The following DOCK2 variants were observed in gnomAD, a reference collection of about 807,000 sequenced individuals.
DOCK2 encodes the protein dedicator of cytokinesis 2, also known as dedicator of cytokinesis protein 2.
DOCK2 carries 87 observed loss-of-function variants against 248.9 expected under a neutral mutation model. That is an observed-to-expected ratio of 0.35 (90% CI 0.29 to 0.42). The LOEUF (loss-of-function observed/expected upper bound fraction) is 0.42. DOCK2 is among the 10% of genes least tolerant of loss of function. DOCK2 has a pLI of 1.00. For missense variants in DOCK2, 1,747 were observed against 2,300.2 expected (o/e 0.76, Z 4.92); for synonymous variants, 805 against 821.6 (o/e 0.98, Z 0.35).
intron 25 of DOCK2, among the ~76,000 whole-genome samples, chr5:169,778,574 T>C (rs1450524609): frequency 6.6e-6 from 1 of 152,212 alleles, no homozygotes; most frequent in Non-Finnish European, 1.5e-5. Flanking sequence ...ACTTTCTCTC[T>C]CTGTAAAATG....
chr5:169,987,235 C>T (rs1488748853), intron 29 of DOCK2, among the ~76,000 whole-genome samples: 1 of 152,176 alleles, frequency 6.6e-6, no homozygotes, highest in Non-Finnish European at 1.5e-5. Context: ...GGCTTCTTTT[C>T]CTATAGGTAC....
intron 9 of DOCK2, among the ~76,000 whole-genome samples, chr5:169,694,231 A>G (rs990475531): frequency 1.3e-5 from 2 of 152,192 alleles, no homozygotes; most frequent in African/African-American, 4.8e-5. Context: ...TTCCCAGTGC[A>G]TATGCCCATA....
At chr5:169,947,987 G>A (rs997282641) in intron 27 of DOCK2, among the ~76,000 whole-genome samples, 1 of 152,172 alleles carries the variant, frequency 6.6e-6, no homozygotes, top group Admixed American at 6.5e-5. Flanking sequence ...GCAGGGTCAG[G>A]ATTTGTCATT....
At chr5:169,823,396 G>A (rs909258836) in intron 26 of DOCK2, among the ~76,000 whole-genome samples, 1 of 150,812 alleles carries the variant, frequency 6.6e-6, no homozygotes, top group Non-Finnish European at 1.5e-5. Flanking sequence ...ACTGAATCCA[G>A]CAGCACATCA....
chr5:169,897,440 C>T (rs1773676773), intron 27 of DOCK2, among the ~76,000 whole-genome samples: 1 of 152,158 alleles, frequency 6.6e-6, no homozygotes, highest in African/African-American at 2.4e-5. Flanking sequence ...CCTCCTGCCT[C>T]TTCCTCCCAA....
rs77348160 is a variant in DOCK2, at chr5:169,929,376, C to T, written c.2800-53692C>T. The stretch of plus-strand genomic sequence containing the variant: ...TTTTACACGTAGATTTTCCACAAAG[C>T]GAATCCCGGCAAACGATATACAGAA... On this transcript the variant is annotated intron_variant, in intron 27 of 51. Transcript: ENST00000520908. 3.9e-3 allele frequency among the ~76,000 whole-genome samples: 590 copies of T among 152,096 alleles called. 5 individuals carry two copies. The highest frequency in any genetic ancestry group is 6.2e-3 in the Non-Finnish European group (420 of 67,942).
intron 27 of DOCK2, chr5:169,864,311 T>C: frequency 1.3e-6 from 2 of 1,551,574 alleles, no homozygotes; most frequent in South Asian, 1.2e-5. Flanking sequence ...ACCTTCTTGG[T>C]TTTCCGCCTT....
chr5:170,009,606 C>T (rs1054282176), intron 32 of DOCK2, among the ~76,000 whole-genome samples: 7 of 152,100 alleles, frequency 4.6e-5, no homozygotes, highest in South Asian at 2.1e-4. Flanking sequence ...ATTGCTCTGC[C>T]CTGGGTGTGG....
rs147924366 is a variant in DOCK2, at chr5:169,668,601, G to A, written c.128-687G>A. Among the ~76,000 whole-genome samples, 208 of 152,266 alleles carry A rather than the reference G, an allele frequency of 1.4e-3. 1 individual carries two copies. Among genetic ancestry groups the A allele is most frequent in the Non-Finnish European group, 2.5e-3 (172 of 68,020 alleles). On this transcript the variant is annotated intron_variant, in intron 2 of 51. Transcript: ENST00000520908. ...GTTGGAATCATTTCAAAGGCCAGCC[G>A]ACTCATTACAGTCATCAGGACTTGC...
At chr5:169,663,214 C>A (rs910692569) in intron 2 of DOCK2, among the ~76,000 whole-genome samples, 1 of 152,198 alleles carries the variant, frequency 6.6e-6, no homozygotes, top group Non-Finnish European at 1.5e-5. Flanking sequence ...CTATGCAAGG[C>A]CACATTGATG....
At chr5:169,918,789 A>G (rs1277528657) in intron 27 of DOCK2, among the ~76,000 whole-genome samples, 3 of 152,092 alleles carry the variant, frequency 2.0e-5, no homozygotes, top group East Asian at 3.9e-4. Flanking sequence ...GGCAGGTACC[A>G]GTAATCCCAG....
intron 25 of DOCK2, among the ~76,000 whole-genome samples, chr5:169,797,170 G>A (rs1766704027): frequency 6.6e-6 from 1 of 152,196 alleles, no homozygotes; most frequent in Non-Finnish European, 1.5e-5. Flanking sequence ...GTGACTGGGG[G>A]TGTCCTCACT....
chr5:169,768,538 C>T (rs1764914794), intron 25 of DOCK2, among the ~76,000 whole-genome samples: 1 of 152,202 alleles, frequency 6.6e-6, no homozygotes, highest in African/African-American at 2.4e-5. Context: ...CCAGGCTATA[C>T]ATGAACTCTG....
intron 27 of DOCK2, chr5:169,934,658 G>A (rs1176000097): frequency 4.4e-6 from 2 of 456,256 alleles, no homozygotes; most frequent in East Asian, 6.9e-5. Context: ...CTAGGATGCA[G>A]CTGATGATAG....
chr5:170,040,329 C>A (rs1581548763), intron 36 of DOCK2, among the ~76,000 whole-genome samples: 1 of 152,208 alleles, frequency 6.6e-6, no homozygotes, highest in East Asian at 1.9e-4. Flanking sequence ...ATCCTCAGTA[C>A]CCTCAGTTAT....
At chr5:169,853,804 CTTTTTTTTTTTTTTTTTTTTTTT>C (rs67124138) in intron 27 of DOCK2, among the ~76,000 whole-genome samples, 73 of 56,862 alleles carry the variant, frequency 1.3e-3, no homozygotes, top group African/African-American at 2.5e-3. Flanking sequence ...GGAAAAACAA[CTTTTTTTTTTTTTTTTTTTTTTT>C]TTTTTTTTTT....
chr5:170,004,847 C>T lies in DOCK2; in HGVS notation c.3073-3650C>T, dbSNP rs572810091. Among the ~76,000 whole-genome samples the T allele has an allele frequency of 6.4e-3, 948 of 148,128 alleles. 9 individuals carry two copies. The highest frequency in any genetic ancestry group is 0.042 in the Middle Eastern group (12 of 288). On this transcript the variant is annotated intron_variant, in intron 30 of 51. Coordinates refer to ENST00000520908, the MANE Select transcript of DOCK2 (RefSeq NM_004946.3). ...AAACCAAACACCGCATATTCTCACTCATAGGTGGGAACTGAAAAATGAGAT... is the reference window on the plus strand; with the variant it reads ...AAACCAAACACCGCATATTCTCACTTATAGGTGGGAACTGAAAAATGAGAT...
At chr5:169,733,841 C>T (rs1049223145) in intron 22 of DOCK2, among the ~76,000 whole-genome samples, 2 of 152,046 alleles carry the variant, frequency 1.3e-5, no homozygotes, top group African/African-American at 4.8e-5. Context: ...CTTTGATGTT[C>T]TGCAGTTTCA....
intron 27 of DOCK2, among the ~76,000 whole-genome samples, chr5:169,899,636 G>A (rs887289660): frequency 2.6e-5 from 4 of 152,152 alleles, no homozygotes; most frequent in African/African-American, 7.2e-5. Flanking sequence ...GCTTTTGTTC[G>A]ATGTTAGTGT....
Sources: gnomAD v4.1 joint callset for allele counts (sites outside exome capture counted in the v4.1 genomes callset) on GRCh38, gnomAD v4.1.1 for gene constraint, MANE v1.5 for transcripts, NCBI Gene and HGNC (gene_info 2026-07-23, HGNC 2026-07-21) for gene names.